Variants in CYTH1 observed in about 807,000 individuals in gnomAD.
The protein encoded by CYTH1 is cytohesin 1, also known as cytohesin-1.
In CYTH1, 18 loss-of-function variants were observed where a neutral mutation model predicts 61.8. The observed-to-expected ratio is 0.29, with a 90% confidence interval of 0.20 to 0.43. The LOEUF (loss-of-function observed/expected upper bound fraction) is 0.43, where lower values mean the gene tolerates loss of function less well. Among genes scored for constraint, CYTH1 ranks in the 20% least tolerant of loss-of-function variants. The pLI, the probability that CYTH1 is intolerant of heterozygous loss-of-function variation, is 1.00. For synonymous variants in CYTH1, 174 were observed against 184.3 expected, an observed-to-expected ratio of 0.94 and a Z score of 0.45; for missense variants, 336 against 510.5, an observed-to-expected ratio of 0.66 and a Z score of 3.29.
intron 11 of CYTH1, among the ~76,000 whole-genome samples, chr17:78,682,030 T>C (rs539927780): frequency 6.6e-6 from 1 of 152,226 alleles, no homozygotes; most frequent in East Asian, 1.9e-4. Flanking sequence ...TGATTTTAGA[T>C]GTTATCTACA....
Position 78,717,346 on chromosome 17 carries a change from C to T in CYTH1, c.23-7614G>A, listed in dbSNP as rs1047814348. 6.6e-6 allele frequency among the ~76,000 whole-genome samples: 1 copy of T among 152,166 alleles called. No individual in the cohort carries two copies. Among genetic ancestry groups the T allele is most frequent in the African/African-American group, 2.4e-5 (1 of 41,426 alleles). ...ATCTGCAAGGTGTCCGGCTGGCAGT[C>T]AGGGGGACGGTCCAGCATCAGCCCC... On this transcript the variant is annotated intron_variant, in intron 1 of 13. Transcript: ENST00000446868. This position sits in a 1 kb window ranked among gnomAD's most constrained non-coding sequence, Gnocchi z 4.4.
chr17:78,720,601 G>T (rs180696925), intron 1 of CYTH1, among the ~76,000 whole-genome samples: 4 of 152,370 alleles, frequency 2.6e-5, no homozygotes, highest in Non-Finnish European at 5.9e-5. Flanking sequence ...TTACAGGCGT[G>T]AGCCATCGCA....
intron 1 of CYTH1, among the ~76,000 whole-genome samples, chr17:78,714,631 ATG>A (rs982563146): frequency 1.3e-5 from 2 of 152,154 alleles, no homozygotes; most frequent in Admixed American, 6.5e-5. Flanking sequence ...AAGCCTCCAT[ATG>A]TAGACAGCGG....
intron 1 of CYTH1, among the ~76,000 whole-genome samples, chr17:78,777,774 C>T (rs2093498659): frequency 1.4e-5 from 2 of 146,908 alleles, no homozygotes; most frequent in Non-Finnish European, 3.0e-5. Flanking sequence ...ATCACGAGGT[C>T]AGGAGATCGA....
At chr17:78,719,134 C>T (rs893869072) in intron 1 of CYTH1, among the ~76,000 whole-genome samples, 37 of 152,140 alleles carry the variant, frequency 2.4e-4, no homozygotes, top group Non-Finnish European at 4.0e-4. Context: ...GGGACGGATC[C>T]GGGGACTGCC....
chr17:78,772,940 G>A (rs961713928), intron 1 of CYTH1, among the ~76,000 whole-genome samples: 1 of 151,752 alleles, frequency 6.6e-6, no homozygotes, highest in Non-Finnish European at 1.5e-5. Context: ...AGCGATTCTA[G>A]TGACTCAGCC....
Position 78,698,191 on chromosome 17 carries a change from A to G in CYTH1, c.811+78T>C, listed in dbSNP as rs1023375928. 3.4e-6 allele frequency: 4 copies of G among 1,171,834 alleles called. No individual in the cohort carries two copies. In the African/African-American group the frequency reaches 4.6e-5, roughly 14 times the overall value. 72.6% of individuals were successfully genotyped at this position (1,171,834 alleles called of 1,614,324 possible). On this transcript the variant is annotated intron_variant, in intron 9 of 13. Coordinates refer to ENST00000446868, the MANE Select transcript of CYTH1 (RefSeq NM_004762.6). ...CAAACACGCACACGCGCACACACGC[A>G]CGCACGCACACACGCACACACACCG...
intron 9 of CYTH1, among the ~76,000 whole-genome samples, chr17:78,696,971 T>C (rs1002676579): frequency 1.5e-4 from 23 of 152,188 alleles, no homozygotes; most frequent in African/African-American, 5.5e-4. Context: ...TCAAAGATTC[T>C]GGGGGCTTAA....
At chr17:78,759,575 A>G (rs2093414306) in intron 1 of CYTH1, among the ~76,000 whole-genome samples, 1 of 152,208 alleles carries the variant, frequency 6.6e-6, no homozygotes, top group Non-Finnish European at 1.5e-5. Flanking sequence ...TAAAGGAGTA[A>G]AAACAAAAAT....
At chr17:78,716,435 C>T (rs16971662) in intron 1 of CYTH1, among the ~76,000 whole-genome samples, 2,020 of 152,240 alleles carry the variant, frequency 0.013, 20 homozygotes, top group Non-Finnish European at 0.016. Context: ...ACGCTTCTGG[C>T]CAATTTGTAG....
Position 78,675,768 on chromosome 17 carries a change from TA to T in CYTH1, c.*322del. 3.1e-6 allele frequency: 3 copies of T among 962,456 alleles called. No individual in the cohort carries two copies. The highest frequency in any genetic ancestry group is 4.4e-6 in the Non-Finnish European group (3 of 681,576). 59.6% of individuals were successfully genotyped at this position (962,456 alleles called of 1,614,324 possible). ...CTTCTTCACGGGGACAACCAAGAGG[TA>T]AACAGTTGGCTCTGAGCTCTGCTAC... On this transcript the variant is annotated 3_prime_UTR_variant, in exon 14 of 14. Coordinates refer to ENST00000446868, the MANE Select transcript of CYTH1 (RefSeq NM_004762.6).
intron 1 of CYTH1, among the ~76,000 whole-genome samples, chr17:78,767,003 C>G (rs1177181333): frequency 6.6e-6 from 1 of 152,176 alleles, no homozygotes; most frequent in Admixed American, 6.5e-5. Context: ...TTGCCACCCA[C>G]AGGGTAACTG....
rs373966229 is a variant in CYTH1 at position 78,732,217 on chromosome 17, C to T, written c.23-22485G>A. ...TAAGATACCTGCCTTTTCTCTCCAC[C>T]GATACTGACATCTTAGAAAATTCCA... On this transcript the variant is annotated intron_variant, in intron 1 of 13. Coordinates refer to ENST00000446868, the MANE Select transcript of CYTH1 (RefSeq NM_004762.6). 3.7e-4 allele frequency among the ~76,000 whole-genome samples: 56 copies of T among 152,314 alleles called. No individual in the cohort carries two copies. In the East Asian group the frequency reaches 3.9e-3, roughly 10 times the overall value.
chr17:78,769,403 T>C (rs1002954973), intron 1 of CYTH1, among the ~76,000 whole-genome samples: 1 of 152,144 alleles, frequency 6.6e-6, no homozygotes, highest in Non-Finnish European at 1.5e-5. Flanking sequence ...TGCTTTGATA[T>C]ATACTTCTTT....
In CYTH1 at chr17:78,674,061, G is replaced by A. The variant is rs2092670090; in HGVS notation, c.*2030C>T. 1 of 152,656 alleles carries A rather than the reference G, an allele frequency of 6.6e-6. No individual in the cohort carries two copies. Among genetic ancestry groups the A allele is most frequent in the Non-Finnish European group, 1.5e-5 (1 of 68,042 alleles). 9.5% of individuals were successfully genotyped at this position (152,656 alleles called of 1,614,324 possible). On this transcript the variant is annotated 3_prime_UTR_variant, in exon 14 of 14. Coordinates refer to ENST00000446868, the MANE Select transcript of CYTH1 (RefSeq NM_004762.6). ...GAACAACAAAGATGGCTTGGGCAGA[G>A]TTGGAGTTTATTTGCTGCAGTTCCT...
At chr17:78,688,837 G>A (rs887141430) in intron 11 of CYTH1, among the ~76,000 whole-genome samples, 17 of 152,170 alleles carry the variant, frequency 1.1e-4, no homozygotes, top group Admixed American at 6.5e-4. Context: ...TGGGCTTGGC[G>A]AATGTGATCA....
intron 13 of CYTH1, among the ~76,000 whole-genome samples, chr17:78,678,993 G>A (rs184778431): frequency 1.3e-5 from 2 of 152,316 alleles, no homozygotes; most frequent in East Asian, 3.9e-4. Flanking sequence ...ACTTTTGAGA[G>A]GATAAATCAT....
chr17:78,705,703 C>A (rs563757753), intron 3 of CYTH1, among the ~76,000 whole-genome samples: 1 of 152,268 alleles, frequency 6.6e-6, no homozygotes, highest in South Asian at 2.1e-4. Flanking sequence ...TGCAGAATCA[C>A]TTCCGTCTTG....
rs181907751 is a variant in CYTH1, at chr17:78,690,885, G to C, written c.891+1532C>G. On this transcript the variant is annotated intron_variant, in intron 11 of 13. Coordinates refer to ENST00000446868, the MANE Select transcript of CYTH1 (RefSeq NM_004762.6). ...CCAGGACTTAGAAGTACACCACTTA[G>C]ATGCTTATGTATCATTTTGACCCAG... 2.0e-3 allele frequency among the ~76,000 whole-genome samples: 300 copies of C among 152,234 alleles called. 1 individual carries two copies. Among genetic ancestry groups the C allele is most frequent in the South Asian group, 1.0e-2 (48 of 4,814 alleles).
Sources: allele counts gnomAD v4.1 joint callset (sites outside exome capture counted in the v4.1 genomes callset), GRCh38; gene constraint gnomAD v4.1.1; non-coding constraint Gnocchi (gnomAD v3.1); transcripts MANE v1.5; gene names NCBI Gene and HGNC (gene_info 2026-07-23, HGNC 2026-07-21).